Variants in RBM6 observed in about 807,000 individuals in gnomAD.
The protein encoded by RBM6 is RNA binding motif protein 6.
Under a neutral mutation model 140.4 loss-of-function variants are expected in RBM6, and 23 were observed. That is an observed-to-expected ratio of 0.16 (90% CI 0.12 to 0.23). The LOEUF is 0.23. Among genes scored for constraint, RBM6 ranks in the 10% least tolerant of loss-of-function variants. RBM6 has a pLI of 1.00. For synonymous variants in RBM6, 439 were observed against 475.6 expected (o/e 0.92, Z 1.00); for missense variants, 1,139 against 1,386.7 (o/e 0.82, Z 2.84).
At chr3:49,945,659 G>A (rs2083454528) in intron 1 of RBM6, among the ~76,000 whole-genome samples, 1 of 151,992 alleles carries the variant, frequency 6.6e-6, no homozygotes, top group Non-Finnish European at 1.5e-5. Flanking sequence ...GAGGCAGGCG[G>A]ATCACAAGGT....
At chr3:49,982,262 C>CTTTTTTTTTTTTTTTTTTTTTTTTT (rs751604271) in intron 5 of RBM6, among the ~76,000 whole-genome samples, 2 of 68,426 alleles carry the variant, frequency 2.9e-5, no homozygotes, top group African/African-American at 1.2e-4. Flanking sequence ...CTTTTCTTTT[C>CTTTTTTTTTTTTTTTTTTTTTTTTT]TTTTTTTTTT....
Position 49,967,640 on chromosome 3 carries a change from C to G in RBM6, c.215C>G (p.Ser72Cys). The G allele has an allele frequency of 6.2e-7, 1 of 1,614,090 alleles. No homozygotes were observed. The highest frequency in any genetic ancestry group is 1.1e-5 in the South Asian group (1 of 91,070). ...CCTTTTGCAAATGTAGAGGAGCATT[C>G]TTTCAGCTATGGAGCTAGAGACGGA... The part of the protein sequence containing the change: ...GPPFANVEEH[S>C]FSYGARDGPH... Residue 72 changes from serine to cysteine, a missense_variant, in exon 3 of 21, where the codon TCT becomes TGT. By Grantham distance (112) the Ser-to-Cys change is moderately radical. This residue lies in a region of RBM6 where 566 missense variants were observed against 612.7 expected (regional missense o/e 0.92). Coordinates refer to ENST00000266022, the MANE Select transcript of RBM6 (RefSeq NM_005777.3). The surrounding 1 kb of genome is among the most constrained non-coding windows in gnomAD (Gnocchi z 4.0).
intron 5 of RBM6, among the ~76,000 whole-genome samples, chr3:49,995,728 T>C (rs1031971907): frequency 6.6e-6 from 1 of 152,164 alleles, no homozygotes; most frequent in Non-Finnish European, 1.5e-5. Flanking sequence ...TTTGTTACTC[T>C]CATTGGTAAA....
chr3:49,966,141 G>T (rs2084509125), intron 2 of RBM6, among the ~76,000 whole-genome samples: 1 of 152,142 alleles, frequency 6.6e-6, no homozygotes, highest in East Asian at 1.9e-4. Flanking sequence ...AAAAGAAAAA[G>T]AGAAAGAAAA....
intron 6 of RBM6, among the ~76,000 whole-genome samples, chr3:50,007,235 C>T (rs1394254568): frequency 1.4e-5 from 2 of 138,900 alleles, no homozygotes; most frequent in East Asian, 2.3e-4. Context: ...CTCATTCTGT[C>T]TCCTAGGCTG....
chr3:49,968,810 T>A (rs1375145171), intron 3 of RBM6, 62 bp downstream of exon 3: 2 of 1,447,452 alleles, frequency 1.4e-6, no homozygotes, highest in Non-Finnish European at 1.8e-6. Flanking sequence ...AGACGGAGTC[T>A]CGCTCTGTTG....
chr3:50,048,496 G>A (rs1364191070), intron 7 of RBM6, among the ~76,000 whole-genome samples, 177 bp downstream of exon 7: 3 of 152,126 alleles, frequency 2.0e-5, no homozygotes, highest in African/African-American at 7.2e-5. Context: ...CTCCTTCCCA[G>A]CTGCTACATG....
Position 49,967,117 on chromosome 3 carries a change from C to A in RBM6, c.45-353C>A. 1.6e-6 allele frequency: 1 copy of A among 609,568 alleles called. No individual in the cohort carries two copies. The highest frequency in any genetic ancestry group is 2.1e-6 in the Non-Finnish European group (1 of 471,776). The allele number at this position is 609,568 out of a possible 1,614,324, so 37.8% of individuals were successfully genotyped here. A position where few individuals can be genotyped will look rare whatever the true frequency, so the allele number is the denominator to read the frequency against. The stretch of plus-strand genomic sequence containing the variant: ...ATGTTGACCTTGGAATTCTTAAGTT[C>A]CCTGGCTGTAGGAAATGGAAATTTT... On this transcript the variant is annotated intron_variant, in intron 2 of 20. Transcript: ENST00000266022. The surrounding 1 kb of genome is among the most constrained non-coding windows in gnomAD (Gnocchi z 4.0).
In RBM6 at chr3:49,968,352, T is replaced by C. The variant is rs1380455677; in HGVS notation, c.927T>C (p.Asn309=). ...AAGATAGAGAACATTCTGGTATGAA[T>C]GTGAACAGGAGAGAAGAATCCACAC... The part of the protein sequence containing the change: ...STQDREHSGM[N]VNRREESTHD... The change falls in exon 3 of 21, where the codon AAT becomes AAC. Residue 309 remains asparagine, a synonymous_variant. Coordinates refer to ENST00000266022, the MANE Select transcript of RBM6 (RefSeq NM_005777.3). The C allele has an allele frequency of 6.2e-6, 10 of 1,614,048 alleles. No homozygotes were observed. The highest frequency in any genetic ancestry group is 1.3e-5 in the African/African-American group (1 of 74,918).
intron 5 of RBM6, among the ~76,000 whole-genome samples, chr3:49,977,946 G>A (rs1280023180): frequency 6.6e-6 from 1 of 152,028 alleles, no homozygotes; most frequent in Non-Finnish European, 1.5e-5. Flanking sequence ...GCAAGACCTT[G>A]TCTCTTAAAA....
chr3:50,008,101 G>A (rs1273858991), intron 6 of RBM6, among the ~76,000 whole-genome samples: 1 of 152,058 alleles, frequency 6.6e-6, no homozygotes, highest in African/African-American at 2.4e-5. Flanking sequence ...GTCTCTCAAA[G>A]CAAAACACCC....
At chr3:49,975,468 A>C (rs376361573) in intron 5 of RBM6, 76 bp downstream of exon 5, 3 of 1,263,318 alleles carry the variant, frequency 2.4e-6, no homozygotes, top group East Asian at 4.8e-5. Context: ...TGCTACTTAA[A>C]ATTTGTTTCA....
chr3:49,986,643 C>A (rs538494188), intron 5 of RBM6, among the ~76,000 whole-genome samples: 1 of 151,472 alleles, frequency 6.6e-6, no homozygotes, highest in East Asian at 2.0e-4. Context: ...TTAAACCATA[C>A]TCTCTAACTG....
chr3:50,044,890 G>A (rs2089142144), intron 6 of RBM6, among the ~76,000 whole-genome samples: 1 of 152,008 alleles, frequency 6.6e-6, no homozygotes, highest in African/African-American at 2.4e-5. Context: ...TTTGGTTTTG[G>A]AAAAATAATA....
At chr3:50,038,872 C>G (rs910800812) in intron 6 of RBM6, among the ~76,000 whole-genome samples, 1 of 152,114 alleles carries the variant, frequency 6.6e-6, no homozygotes, top group Non-Finnish European at 1.5e-5. Context: ...TGATGTAAAT[C>G]AGCTGCCCTT....
intron 5 of RBM6, chr3:49,981,716 A>G (rs1365272736): frequency 6.6e-6 from 1 of 152,126 alleles, no homozygotes; most frequent in African/African-American, 2.4e-5. Context: ...CATATAACTT[A>G]GTTGTTTTTT....
chr3:49,961,101 G>A (rs1166328957), intron 1 of RBM6, among the ~76,000 whole-genome samples: 1 of 151,754 alleles, frequency 6.6e-6, no homozygotes, highest in African/African-American at 2.4e-5. Context: ...TTTTTAAGAT[G>A]GAGTCTCGCT....
At chr3:50,018,961 T>C (rs2087335325) in intron 6 of RBM6, among the ~76,000 whole-genome samples, 1 of 152,180 alleles carries the variant, frequency 6.6e-6, no homozygotes, top group Admixed American at 6.5e-5. Flanking sequence ...TTTGCATTGC[T>C]ACCAGCAATG....
At chr3:49,966,717 C>T (rs771327229) in intron 2 of RBM6, among the ~76,000 whole-genome samples, 3 of 152,058 alleles carry the variant, frequency 2.0e-5, no homozygotes, top group South Asian at 2.1e-4. Context: ...GATGCTGTTG[C>T]GTGGCTTAGA....
Sources: gnomAD v4.1 joint callset for allele counts (sites outside exome capture counted in the v4.1 genomes callset) on GRCh38, gnomAD v4.1.1 for gene constraint, gnomAD v4.1.1 regional missense constraint, Gnocchi (gnomAD v3.1) non-coding constraint, MANE v1.5 for transcripts, NCBI Gene and HGNC (gene_info 2026-07-23, HGNC 2026-07-21) for gene names.